Variants in EPHA3 observed in about 807,000 individuals in gnomAD.
EPHA3 encodes EPH receptor A3.
A neutral mutation model predicts 107.1 loss-of-function variants in EPHA3; 42 were observed. That is an observed-to-expected ratio of 0.39 (90% CI 0.31 to 0.51). The LOEUF (loss-of-function observed/expected upper bound fraction) is 0.51. Ranked by LOEUF, EPHA3 falls within the 20% of genes least tolerant of loss-of-function variation. The pLI is 0.78. For synonymous variants in EPHA3, 461 were observed against 424.8 expected, an observed-to-expected ratio of 1.09 and a Z score of -1.05; for missense variants, 1,183 against 1,211.2, an observed-to-expected ratio of 0.98 and a Z score of 0.35.
intron 13 of EPHA3, 22 bp downstream of exon 13, chr3:89,431,381 C>G (rs766948635): frequency 3.8e-6 from 6 of 1,592,284 alleles, no homozygotes; most frequent in East Asian, 2.2e-5. Flanking sequence ...AGATTTTCTC[C>G]TTTTTTATCA....
intron 1 of EPHA3, among the ~76,000 whole-genome samples, chr3:89,109,041 G>GTT (rs1292350667): frequency 6.6e-6 from 1 of 152,066 alleles, no homozygotes; most frequent in South Asian, 2.1e-4. Context: ...TACTTAGAAA[G>GTT]TTTTTTATTA....
chr3:89,321,042 C>T (rs796247863), intron 3 of EPHA3, among the ~76,000 whole-genome samples: 4 of 151,994 alleles, frequency 2.6e-5, no homozygotes, highest in African/African-American at 9.6e-5. Context: ...AAGTTCACAC[C>T]ACTGGCTTGT....
At chr3:89,221,414 A>G (rs886932738) in intron 3 of EPHA3, among the ~76,000 whole-genome samples, 8 of 152,178 alleles carry the variant, frequency 5.3e-5, no homozygotes, top group Admixed American at 2.0e-4. Context: ...GTCTTCCTGT[A>G]TCTGAAAAAC....
chr3:89,427,217 A>G (rs1270665295), intron 11 of EPHA3, among the ~76,000 whole-genome samples: 6 of 151,916 alleles, frequency 3.9e-5, no homozygotes, highest in Non-Finnish European at 8.8e-5. Flanking sequence ...AAACTATAGA[A>G]TTTAAATAGA....
intron 7 of EPHA3, 183 bp downstream of exon 7, chr3:89,399,663 C>T: frequency 5.6e-6 from 7 of 1,257,290 alleles, no homozygotes; most frequent in Non-Finnish European, 7.0e-6. Context: ...TGTGGGTGTA[C>T]ATTTTGTGTT....
chr3:89,382,570 G>T (rs909987124), intron 5 of EPHA3, among the ~76,000 whole-genome samples: 1 of 151,996 alleles, frequency 6.6e-6, no homozygotes, highest in East Asian at 1.9e-4. Context: ...AAGCACCAGG[G>T]TCAGTCAGGA....
chr3:89,447,698 T>C (rs1203197756), intron 13 of EPHA3, among the ~76,000 whole-genome samples: 3 of 152,212 alleles, frequency 2.0e-5, no homozygotes, highest in African/African-American at 7.2e-5. Flanking sequence ...TGAGCTAACA[T>C]TTATTGAGTC....
chr3:89,116,160 C>T (rs1441826598), intron 1 of EPHA3, among the ~76,000 whole-genome samples: 1 of 152,128 alleles, frequency 6.6e-6, no homozygotes, highest in African/African-American at 2.4e-5. Context: ...GTTCTTACCT[C>T]TGTGTTCCTT....
chr3:89,155,188 C>G (rs1344123022), intron 2 of EPHA3, among the ~76,000 whole-genome samples: 1 of 151,716 alleles, frequency 6.6e-6, no homozygotes, highest in African/African-American at 2.4e-5. Flanking sequence ...ATAATGAGAA[C>G]TATTCTAAAA....
At chr3:89,215,384 G>C (rs1235432333) in intron 3 of EPHA3, among the ~76,000 whole-genome samples, 1 of 151,838 alleles carries the variant, frequency 6.6e-6, no homozygotes, top group African/African-American at 2.4e-5. Context: ...TTTGGTTTGT[G>C]ACTTCTTAAA....
chr3:89,421,417 T>A (rs937215240), intron 11 of EPHA3, among the ~76,000 whole-genome samples: 2 of 151,288 alleles, frequency 1.3e-5, no homozygotes, highest in African/African-American at 4.8e-5. Flanking sequence ...TAGTATTTGA[T>A]TCATTAAATT....
At chr3:89,317,510 A>G (rs1706936357) in intron 3 of EPHA3, among the ~76,000 whole-genome samples, 1 of 151,850 alleles carries the variant, frequency 6.6e-6, no homozygotes, top group Non-Finnish European at 1.5e-5. Context: ...CCCTGATTCC[A>G]TTAAGGCCAG....
chr3:89,439,247 A>T (rs962155831), intron 13 of EPHA3, among the ~76,000 whole-genome samples: 2 of 152,204 alleles, frequency 1.3e-5, no homozygotes, highest in African/African-American at 4.8e-5. Flanking sequence ...CAGGAAGACA[A>T]TGTAAGTCAT....
intron 5 of EPHA3, among the ~76,000 whole-genome samples, chr3:89,350,775 T>A (rs1276037277): frequency 2.0e-5 from 3 of 150,954 alleles, no homozygotes; most frequent in Non-Finnish European, 4.4e-5. Flanking sequence ...TTGATGATGG[T>A]GATGTACAGA....
chr3:89,371,564 A>G (rs748675260), intron 5 of EPHA3, among the ~76,000 whole-genome samples: 8 of 151,720 alleles, frequency 5.3e-5, no homozygotes, highest in African/African-American at 9.7e-5. Context: ...TTCTCTCTCA[A>G]AGTACTGACT....
intron 10 of EPHA3, among the ~76,000 whole-genome samples, chr3:89,413,851 A>T (rs1245066095): frequency 6.6e-6 from 1 of 151,746 alleles, no homozygotes; most frequent in Non-Finnish European, 1.5e-5. Context: ...ATTTGTTAAC[A>T]ATCACCTATT....
At chr3:89,438,981 A>C (rs1248414791) in intron 13 of EPHA3, among the ~76,000 whole-genome samples, 1 of 152,200 alleles carries the variant, frequency 6.6e-6, no homozygotes, top group Non-Finnish European at 1.5e-5. Context: ...GAAAAATTAC[A>C]ACTATAATTG....
intron 2 of EPHA3, among the ~76,000 whole-genome samples, chr3:89,141,810 A>T (rs1378587949): frequency 6.6e-6 from 1 of 151,538 alleles, no homozygotes; most frequent in Admixed American, 6.6e-5. Flanking sequence ...CATCTATAAC[A>T]CATATCCTAA....
chr3:89,331,266 T>C (rs1283320230), intron 3 of EPHA3, among the ~76,000 whole-genome samples: 1 of 152,198 alleles, frequency 6.6e-6, no homozygotes, highest in African/African-American at 2.4e-5. Context: ...CTTTTCGTTT[T>C]TAAGTTTATG....
Sources: gnomAD v4.1 joint callset for allele counts (sites outside exome capture counted in the v4.1 genomes callset) on GRCh38, gnomAD v4.1.1 for gene constraint, MANE v1.5 for transcripts, NCBI Gene and HGNC (gene_info 2026-07-23, HGNC 2026-07-21) for gene names.